The following CELF2 variants were observed in gnomAD, a reference collection of about 807,000 sequenced individuals.
The protein encoded by CELF2 is CUGBP Elav-like family member 2.
A neutral mutation model predicts 62.6 loss-of-function variants in CELF2; 8 were observed. That is an observed-to-expected ratio of 0.13 (90% confidence interval 0.07 to 0.23). The LOEUF is 0.23. CELF2 is among the 10% of genes least tolerant of loss of function. CELF2 has a pLI of 1.00. For synonymous variants in CELF2, 258 were observed against 250.0 expected (o/e 1.03, Z -0.30); for missense variants, 333 against 671.0 (o/e 0.50, Z 5.56).
At chr10:10,499,965 A>G in the CELF2 span, among the ~76,000 whole-genome samples, 1 of 152,170 alleles carries the variant, frequency 6.6e-6, no homozygotes, top group Admixed American at 6.5e-5. Flanking sequence ...ACATACATAA[A>G]GCAAAGTCAG....
At chr10:11,063,591 A>G (rs951591078) in intron 1 of CELF2, among the ~76,000 whole-genome samples, 2 of 152,262 alleles carry the variant, frequency 1.3e-5, no homozygotes. Flanking sequence ...CTTAGAATAT[A>G]GTTACAGATT....
At chr10:10,497,822 A>G in the CELF2 span, among the ~76,000 whole-genome samples, 1 of 152,204 alleles carries the variant, frequency 6.6e-6, no homozygotes, top group African/African-American at 2.4e-5. Context: ...CTTCAGTGAG[A>G]CAGGAAGCTG....
intron 1 of CELF2, among the ~76,000 whole-genome samples, chr10:11,103,281 G>C (rs1338393835): frequency 6.6e-6 from 1 of 151,212 alleles, no homozygotes; most frequent in East Asian, 1.9e-4. Flanking sequence ...CGTCATTCAA[G>C]ATTCAACTCA....
At chr10:10,598,716 A>G in the CELF2 span, among the ~76,000 whole-genome samples, 2,915 of 146,952 alleles carry the variant, frequency 0.02, 33 homozygotes, top group Non-Finnish European at 0.031. Context: ...GAAAAAAATC[A>G]AGGGCTGATT....
At chr10:10,694,146 T>G in the CELF2 span, among the ~76,000 whole-genome samples, 2 of 151,816 alleles carry the variant, frequency 1.3e-5, no homozygotes, top group Non-Finnish European at 2.9e-5. Context: ...CTTGTGGGCA[T>G]TTAGTGCTAT....
Position 11,156,344 on chromosome 10 carries a change from C to G in CELF2, c.75-9142C>G, listed in dbSNP as rs1352522641. Among the ~76,000 whole-genome samples, 5 of 152,094 alleles carry G rather than the reference C, an allele frequency of 3.3e-5. No homozygotes were observed. ...ACTGCTTTGAAGACTTCTCGCGTGC[C>G]GTATTAAATCTATTCATTCAGTAAA... On this transcript the variant is annotated intron_variant, in intron 1 of 12. Coordinates refer to ENST00000633077, the MANE Select transcript of CELF2 (RefSeq NM_001326342.2). The surrounding 1 kb of genome is among the most constrained non-coding windows in gnomAD (Gnocchi z 4.3).
chr10:10,884,835 G>A (rs1459998916), intron 1 of CELF2, among the ~76,000 whole-genome samples: 1 of 152,242 alleles, frequency 6.6e-6, no homozygotes, highest in Non-Finnish European at 1.5e-5. Flanking sequence ...GTCTTTTTGT[G>A]TTGAGTGATT....
chr10:10,878,005 G>T (rs1446723913), intron 1 of CELF2, among the ~76,000 whole-genome samples: 2 of 152,130 alleles, frequency 1.3e-5, no homozygotes, highest in African/African-American at 2.4e-5. Context: ...CCAAGTGGGG[G>T]ATGGCTGATA....
At chr10:11,123,703 T>G (rs1042924042) in intron 1 of CELF2, among the ~76,000 whole-genome samples, 2 of 152,200 alleles carry the variant, frequency 1.3e-5, no homozygotes, top group African/African-American at 4.8e-5. Flanking sequence ...CCCATCCTGC[T>G]GCGCAGTGGC....
chr10:10,509,225 T>C, the CELF2 span, among the ~76,000 whole-genome samples: 3 of 152,214 alleles, frequency 2.0e-5, no homozygotes, highest in African/African-American at 7.2e-5. Flanking sequence ...TGGATATTAC[T>C]CTGTTGTCCT....
chr10:11,022,758 C>G (rs1296184055), intron 1 of CELF2, among the ~76,000 whole-genome samples: 1 of 152,088 alleles, frequency 6.6e-6, no homozygotes, highest in Non-Finnish European at 1.5e-5. Flanking sequence ...CAGCCAGCGC[C>G]CAATATGACC....
chr10:10,811,537 G>T (rs1245998349), intron 1 of CELF2, among the ~76,000 whole-genome samples: 4 of 152,076 alleles, frequency 2.6e-5, no homozygotes, highest in Non-Finnish European at 4.4e-5. Context: ...CAGCTTTCAG[G>T]TTCTTCAGAA....
chr10:10,655,649 T>C, the CELF2 span, among the ~76,000 whole-genome samples: 1 of 123,936 alleles, frequency 8.1e-6, no homozygotes, highest in Non-Finnish European at 1.8e-5. Context: ...TAAATGGTGC[T>C]GGGAAAACTG....
chr10:11,018,823 C>T (rs1036516597), intron 1 of CELF2: 4 of 152,242 alleles, frequency 2.6e-5, no homozygotes, highest in Non-Finnish European at 5.9e-5. Context: ...TACCAAATTA[C>T]CCGCTCATCT....
At chr10:11,147,069 C>A (rs191983775) in intron 1 of CELF2, among the ~76,000 whole-genome samples, 132 of 152,330 alleles carry the variant, frequency 8.7e-4, no homozygotes, top group Admixed American at 1.4e-3. Context: ...TTACTACGTC[C>A]TGTTTATTTA....
the CELF2 span, among the ~76,000 whole-genome samples, chr10:10,774,478 G>T: frequency 1.3e-5 from 2 of 152,152 alleles, no homozygotes; most frequent in Non-Finnish European, 2.9e-5. Flanking sequence ...CCATCGCTTT[G>T]GTGCCGTTCT....
the CELF2 span, among the ~76,000 whole-genome samples, chr10:10,497,507 T>G: frequency 6.6e-6 from 1 of 152,018 alleles, no homozygotes; most frequent in Non-Finnish European, 1.5e-5. Context: ...ATACTATATA[T>G]GATACCCCAC....
the CELF2 span, among the ~76,000 whole-genome samples, chr10:10,667,451 G>GT: frequency 3.3e-5 from 5 of 152,268 alleles, no homozygotes; most frequent in East Asian, 7.7e-4. Context: ...AAAAGGAGAT[G>GT]TTTTTTAGCA....
At chr10:10,516,890 C>G in the CELF2 span, among the ~76,000 whole-genome samples, 2 of 152,144 alleles carry the variant, frequency 1.3e-5, no homozygotes, top group Admixed American at 6.6e-5. Context: ...TGTCTTCATT[C>G]CCCATGGACA....
Sources: gnomAD v4.1 joint callset for allele counts (sites outside exome capture counted in the v4.1 genomes callset) on GRCh38, gnomAD v4.1.1 for gene constraint, Gnocchi (gnomAD v3.1) non-coding constraint, MANE v1.5 for transcripts, NCBI Gene and HGNC (gene_info 2026-07-23, HGNC 2026-07-21) for gene names.